The following CATSPERE variants were observed in gnomAD, a reference collection of about 807,000 sequenced individuals.
The protein encoded by CATSPERE is cation channel sperm-associated auxiliary subunit epsilon.
Under a neutral mutation model 114.1 loss-of-function variants are expected in CATSPERE, and 93 were observed. The ratio of observed to expected loss-of-function variants is 0.81; its 90% CI spans 0.69 to 0.97. The LOEUF (loss-of-function observed/expected upper bound fraction) is 0.97, where lower values mean the gene tolerates loss of function less well. Ranked by LOEUF, CATSPERE falls within the 50% of genes least tolerant of loss-of-function variation. The pLI is 0.00. For missense variants in CATSPERE, 1,058 were observed against 1,131.6 expected (o/e 0.93, Z 0.93); for synonymous variants, 341 against 384.1 (o/e 0.89, Z 1.31).
At chr1:244,553,624 C>CACACACACACACATATATACAT (rs1253633378) in intron 9 of CATSPERE, among the ~76,000 whole-genome samples, 4,484 of 144,316 alleles carry the variant, frequency 0.031, 339 homozygotes, top group African/African-American at 0.12. Flanking sequence ...CACACACACA[C>CACACACACACACATATATACAT]ACACACACAC....
intron 8 of CATSPERE, among the ~76,000 whole-genome samples, chr1:244,549,274 A>G (rs543729355): frequency 6.6e-6 from 1 of 152,344 alleles, no homozygotes; most frequent in Non-Finnish European, 1.5e-5. Context: ...AGGTTCTCAC[A>G]GAAGGCAAAA....
At chr1:244,506,165 C>T (rs1264699337) in intron 7 of CATSPERE, among the ~76,000 whole-genome samples, 1 of 152,096 alleles carries the variant, frequency 6.6e-6, no homozygotes. Flanking sequence ...TAACTTAGTT[C>T]ACTTAGCATA....
At chr1:244,612,776 C>T (rs1670904278) in intron 19 of CATSPERE, among the ~76,000 whole-genome samples, 2 of 152,176 alleles carry the variant, frequency 1.3e-5, no homozygotes, top group African/African-American at 4.8e-5. Flanking sequence ...ATTCTTCTGC[C>T]TCAGCCTCCC....
intron 8 of CATSPERE, among the ~76,000 whole-genome samples, chr1:244,536,087 G>GACTGCCCAGTC (rs763411042): frequency 1.1e-4 from 16 of 152,032 alleles, no homozygotes; most frequent in Admixed American, 2.0e-4. Context: ...GGGGCCTCAG[G>GACTGCCCAGTC]ACTGCCCAGT....
At chr1:244,528,785 C>CCACACACGCACACA (rs749801424) in intron 8 of CATSPERE, among the ~76,000 whole-genome samples, 7 of 130,536 alleles carry the variant, frequency 5.4e-5, no homozygotes, top group African/African-American at 1.8e-4. Flanking sequence ...CAATCCCCCA[C>CCACACACGCACACA]CACACACACA....
chr1:244,493,922 G>T (rs1414848379), intron 6 of CATSPERE, among the ~76,000 whole-genome samples: 1 of 152,198 alleles, frequency 6.6e-6, no homozygotes, highest in Non-Finnish European at 1.5e-5. Context: ...ACTCCAGTTA[G>T]AATGGCGATC....
At chr1:244,486,706 C>G (rs10927240) in intron 5 of CATSPERE, among the ~76,000 whole-genome samples, 214 of 79,920 alleles carry the variant, frequency 2.7e-3, no homozygotes, top group Admixed American at 4.2e-3. Flanking sequence ...TAGTCACCTG[C>G]TGGGTGGTCC....
intron 21 of CATSPERE, among the ~76,000 whole-genome samples, chr1:244,638,592 A>C (rs1187207036): frequency 1.3e-5 from 2 of 151,904 alleles, no homozygotes; most frequent in Admixed American, 1.3e-4. Context: ...CCTACTGTCT[A>C]CTTAACTTCT....
chr1:244,537,567 G>A (rs1215057346), intron 8 of CATSPERE, among the ~76,000 whole-genome samples: 2 of 152,176 alleles, frequency 1.3e-5, no homozygotes, highest in Non-Finnish European at 2.9e-5. Context: ...TGTTCCTTAA[G>A]TGTTAGCATT....
intron 17 of CATSPERE, among the ~76,000 whole-genome samples, chr1:244,597,847 T>A (rs768553085): frequency 6.6e-6 from 1 of 152,158 alleles, no homozygotes; most frequent in Non-Finnish European, 1.5e-5. Flanking sequence ...GTGAGAAGTG[T>A]TTTCATTTGA....
chr1:244,524,241 G>A (rs1308629958), intron 8 of CATSPERE, among the ~76,000 whole-genome samples: 3 of 148,614 alleles, frequency 2.0e-5, no homozygotes, highest in Non-Finnish European at 2.9e-5. Flanking sequence ...ATGGGGAAAG[G>A]ATTTCCTATT....
chr1:244,580,119 C>T (rs1479960642), intron 11 of CATSPERE, among the ~76,000 whole-genome samples: 4 of 152,062 alleles, frequency 2.6e-5, no homozygotes, highest in African/African-American at 9.7e-5. Flanking sequence ...TCACCGCAAC[C>T]TCTGCTCCCT....
rs557956711 is a variant in CATSPERE, at chr1:244,461,530, G to A, written c.65+36G>A. ...GCCAGTCGCAGGCGAGCGACTAGGC[G>A]GGGATTACCCCCGGCGGGGCAGGCG... On this transcript the variant is annotated intron_variant, in intron 1 of 21. Coordinates refer to ENST00000366534, the MANE Select transcript of CATSPERE (RefSeq NM_001130957.2). The A allele has an allele frequency of 2.7e-5, 35 of 1,273,028 alleles. No homozygotes were observed. The African/African-American group carries it at 4.8e-4, about 17-fold the overall frequency. 78.9% of individuals were successfully genotyped at this position (1,273,028 alleles called of 1,614,324 possible). A position where few individuals can be genotyped will look rare whatever the true frequency, so the allele number is the denominator to read the frequency against.
At chr1:244,515,562 G>A (rs903194740) in intron 7 of CATSPERE, among the ~76,000 whole-genome samples, 1 of 152,222 alleles carries the variant, frequency 6.6e-6, no homozygotes, top group Non-Finnish European at 1.5e-5. Context: ...GAAGCCATGA[G>A]TGAAATGAGA....
At chr1:244,508,440 A>G (rs1675166104) in intron 7 of CATSPERE, among the ~76,000 whole-genome samples, 1 of 151,376 alleles carries the variant, frequency 6.6e-6, no homozygotes, top group Non-Finnish European at 1.5e-5. Context: ...AGCTGGGACT[A>G]TAGGCACCCG....
chr1:244,615,239 CAAAAAAAA>C (rs568497256), intron 19 of CATSPERE, among the ~76,000 whole-genome samples: 10 of 69,308 alleles, frequency 1.4e-4, no homozygotes, highest in Middle Eastern at 0.024. Context: ...TTGGGCAGAC[CAAAAAAAA>C]AAAAAAAAAA....
chr1:244,608,737 C>T (rs1160056553), intron 18 of CATSPERE, among the ~76,000 whole-genome samples: 1 of 152,064 alleles, frequency 6.6e-6, no homozygotes, highest in Non-Finnish European at 1.5e-5. Flanking sequence ...TCCTATGCAG[C>T]GTGAGCTCCA....
chr1:244,492,060 T>C (rs1157699994), intron 6 of CATSPERE, among the ~76,000 whole-genome samples: 2 of 151,678 alleles, frequency 1.3e-5, no homozygotes, highest in Non-Finnish European at 2.9e-5. Context: ...TTCCAATCAA[T>C]AGAAAAAGAG....
At chr1:244,593,680 GACTCT>G in intron 17 of CATSPERE, 102 bp downstream of exon 17, 1 of 927,402 alleles carries the variant, frequency 1.1e-6, no homozygotes, top group East Asian at 2.5e-5. Flanking sequence ...ACGTATTTTA[GACTCT>G]ACTCAATATA....
Sources: allele counts gnomAD v4.1 joint callset (sites outside exome capture counted in the v4.1 genomes callset), GRCh38; gene constraint gnomAD v4.1.1; transcripts MANE v1.5; gene names NCBI Gene and HGNC (gene_info 2026-07-23, HGNC 2026-07-21).